FUT9: variants seen among roughly 807,000 people sequenced by gnomAD.
FUT9 encodes fucosyltransferase 9.
FUT9 carries 15 observed loss-of-function variants against 29.7 expected under a neutral mutation model. That is an observed-to-expected ratio of 0.51 (90% CI 0.34 to 0.78). The LOEUF is 0.78. Ranked by LOEUF, FUT9 falls within the 30% of genes least tolerant of loss-of-function variation. The pLI is 0.01. For synonymous variants in FUT9, 169 were observed against 153.7 expected (o/e 1.10, Z -0.74); for missense variants, 319 against 425.4 (o/e 0.75, Z 2.20).
chr6:96,081,069 C>T (rs1037973650), intron 1 of FUT9, among the ~76,000 whole-genome samples: 3 of 151,790 alleles, frequency 2.0e-5, no homozygotes, highest in African/African-American at 7.2e-5. Context: ...ATCTCCATTG[C>T]TAAAATCCTA....
At chr6:96,195,744 A>G (rs1773612875) in intron 2 of FUT9, among the ~76,000 whole-genome samples, 1 of 152,166 alleles carries the variant, frequency 6.6e-6, no homozygotes, top group Non-Finnish European at 1.5e-5. Context: ...GCCAGGAGTA[A>G]AAGCAAAATA....
chr6:96,106,696 T>C lies in FUT9; in HGVS notation c.-97-7343T>C, dbSNP rs997851077. Among the ~76,000 whole-genome samples the C allele has an allele frequency of 2.0e-5, 3 of 152,178 alleles. No homozygotes were observed. The East Asian group carries it at 5.8e-4, about 29-fold the overall frequency. On this transcript the variant is annotated intron_variant, in intron 1 of 2. Transcript: ENST00000302103. The stretch of plus-strand genomic sequence containing the variant: ...CTTAACCCAAACCTTATTCTATCCA[T>C]CAGAAGCTCCCAGGCTACTGACTGG...
intron 2 of FUT9, among the ~76,000 whole-genome samples, chr6:96,128,958 C>T (rs1772182351): frequency 6.6e-6 from 1 of 151,640 alleles, no homozygotes; most frequent in Non-Finnish European, 1.5e-5. Context: ...AACATCTCCA[C>T]AAAAAAATAC....
intron 2 of FUT9, among the ~76,000 whole-genome samples, chr6:96,157,380 T>C (rs910965553): frequency 1.3e-5 from 2 of 152,222 alleles, no homozygotes; most frequent in African/African-American, 4.8e-5. Flanking sequence ...TGTCTTTTCA[T>C]AATCTTTTTA....
chr6:96,137,463 T>C (rs140905909), intron 2 of FUT9, among the ~76,000 whole-genome samples: 1 of 152,078 alleles, frequency 6.6e-6, no homozygotes, highest in African/African-American at 2.4e-5. Context: ...AAATTCCAAG[T>C]CCATAATTGT....
Position 96,082,930 on chromosome 6 carries a change from C to T in FUT9, c.-97-31109C>T, listed in dbSNP as rs183767777. On this transcript the variant is annotated intron_variant, in intron 1 of 2. Transcript: ENST00000302103. ...TACTTTATGTTCTTGGCTACATTAA[C>T]CATAAGGGATATATTTTCTGGTTGC... Among the ~76,000 whole-genome samples the T allele has an allele frequency of 2.8e-3, 425 of 151,956 alleles. 9 individuals are homozygous for T. The highest frequency in any genetic ancestry group is 5.2e-4 in the Non-Finnish European group (35 of 67,866).
At chr6:96,129,703 T>G (rs1772205843) in intron 2 of FUT9, among the ~76,000 whole-genome samples, 1 of 152,068 alleles carries the variant, frequency 6.6e-6, no homozygotes. Flanking sequence ...GGTATTAATT[T>G]GGTATTTAGT....
chr6:96,147,200 C>T (rs1358009982), intron 2 of FUT9, among the ~76,000 whole-genome samples: 1 of 148,968 alleles, frequency 6.7e-6, no homozygotes. Context: ...CTCACTCTGT[C>T]GCCCAGGCTG....
At chr6:96,078,286 A>T (rs1460420971) in intron 1 of FUT9, among the ~76,000 whole-genome samples, 2 of 151,434 alleles carry the variant, frequency 1.3e-5, no homozygotes, top group East Asian at 1.9e-4. Context: ...CTGGCTTCAT[A>T]TAATTCTGCT....
At chr6:96,039,159 C>G (rs947663908) in intron 1 of FUT9, among the ~76,000 whole-genome samples, 1 of 152,020 alleles carries the variant, frequency 6.6e-6, no homozygotes, top group Non-Finnish European at 1.5e-5. Context: ...ACATAATTTA[C>G]GCTCAGCAGA....
chr6:96,079,914 G>C (rs1039528200), intron 1 of FUT9, among the ~76,000 whole-genome samples: 1 of 151,852 alleles, frequency 6.6e-6, no homozygotes, highest in Admixed American at 6.6e-5. Context: ...AAATAAAAAT[G>C]GATATAGCTT....
intron 1 of FUT9, among the ~76,000 whole-genome samples, chr6:96,077,502 TA>T (rs1242673100): frequency 6.6e-6 from 1 of 152,126 alleles, no homozygotes; most frequent in African/African-American, 2.4e-5. Context: ...AACTCAAAAT[TA>T]TCTGGTAATC....
intron 1 of FUT9, among the ~76,000 whole-genome samples, chr6:96,060,743 A>G (rs9485617): frequency 0.55 from 82,825 of 151,804 alleles, 22,715 homozygotes; most frequent in South Asian, 0.63. Flanking sequence ...TCACCATGTT[A>G]GCCAGGCTGT....
At chr6:96,083,241 G>A (rs1205667088) in intron 1 of FUT9, among the ~76,000 whole-genome samples, 1 of 151,990 alleles carries the variant, frequency 6.6e-6, no homozygotes, top group African/African-American at 2.4e-5. Context: ...TGAATGAAGA[G>A]GTGAGTCACA....
chr6:96,058,904 A>G (rs1283697733), intron 1 of FUT9, among the ~76,000 whole-genome samples: 1 of 152,042 alleles, frequency 6.6e-6, no homozygotes, highest in African/African-American at 2.4e-5. Flanking sequence ...AACTACAAAA[A>G]TTTCTCCCTC....
At chr6:96,192,212 G>T (rs556659234) in intron 2 of FUT9, among the ~76,000 whole-genome samples, 1 of 152,254 alleles carries the variant, frequency 6.6e-6, no homozygotes, top group East Asian at 1.9e-4. Context: ...GGGCAATCAG[G>T]CAGGAGAAAG....
intron 1 of FUT9, among the ~76,000 whole-genome samples, chr6:96,092,139 C>G (rs1368015902): frequency 6.6e-6 from 1 of 151,994 alleles, no homozygotes; most frequent in African/African-American, 2.4e-5. Context: ...ATCTATTTAT[C>G]AGATTAATAG....
intron 1 of FUT9, among the ~76,000 whole-genome samples, chr6:96,064,481 G>A (rs1770929437): frequency 6.6e-6 from 1 of 152,052 alleles, no homozygotes; most frequent in Non-Finnish European, 1.5e-5. Context: ...GGGGGCTGAT[G>A]GCGTCATTAG....
At chr6:96,195,978 T>C (rs1341265172) in intron 2 of FUT9, among the ~76,000 whole-genome samples, 1 of 152,216 alleles carries the variant, frequency 6.6e-6, no homozygotes, top group Non-Finnish European at 1.5e-5. Flanking sequence ...GATTTCTTTG[T>C]ATTTTTAAGA....
Sources: gnomAD v4.1 joint callset for allele counts (sites outside exome capture counted in the v4.1 genomes callset) on GRCh38, gnomAD v4.1.1 for gene constraint, MANE v1.5 for transcripts, NCBI Gene and HGNC (gene_info 2026-07-23, HGNC 2026-07-21) for gene names.